Variants in C3orf20 observed in about 807,000 individuals in gnomAD.
C3orf20 encodes the protein uncharacterized protein C3orf20.
A neutral mutation model predicts 88.3 loss-of-function variants in C3orf20; 76 were observed. That is an observed-to-expected ratio of 0.86 (90% CI 0.72 to 1.04). C3orf20 has a LOEUF of 1.04. C3orf20 is among the 50% of genes least tolerant of loss of function. C3orf20 has a pLI of 0.00. For synonymous variants in C3orf20, 436 were observed against 437.4 expected, an observed-to-expected ratio of 1.00 and a Z score of 0.04; for missense variants, 1,056 against 1,123.3, an observed-to-expected ratio of 0.94 and a Z score of 0.86.
At chr3:14,712,519 C>T (rs952173176) in intron 7 of C3orf20, among the ~76,000 whole-genome samples, 2 of 152,116 alleles carry the variant, frequency 1.3e-5, no homozygotes, top group African/African-American at 4.8e-5. Flanking sequence ...ATAACTTAGT[C>T]ACAATAATAT....
chr3:14,678,419 A>G (rs1260070092), intron 1 of C3orf20, among the ~76,000 whole-genome samples: 1 of 152,136 alleles, frequency 6.6e-6, no homozygotes, highest in Non-Finnish European at 1.5e-5. Context: ...CTGGGTTTCC[A>G]TTCCGCCTTG....
At chr3:14,694,499 T>C (rs113479488) in intron 5 of C3orf20, among the ~76,000 whole-genome samples, 22,589 of 152,196 alleles carry the variant, frequency 0.15, 2,033 homozygotes, top group Non-Finnish European at 0.2. Flanking sequence ...TAGGGACTAA[T>C]GATCCTTTGA....
At chr3:14,753,066 T>C (rs552407114) in intron 12 of C3orf20, among the ~76,000 whole-genome samples, 2 of 152,260 alleles carry the variant, frequency 1.3e-5, no homozygotes, top group East Asian at 3.9e-4. Flanking sequence ...CTATTCACAA[T>C]AGCAAAGGCT....
At chr3:14,700,471 G>C in intron 5 of C3orf20, among the ~76,000 whole-genome samples, 1 of 152,114 alleles carries the variant, frequency 6.6e-6, no homozygotes, top group East Asian at 1.9e-4. Flanking sequence ...GCATATACAG[G>C]TTTGGTACTA....
intron 6 of C3orf20, among the ~76,000 whole-genome samples, chr3:14,703,714 T>G (rs1357817396): frequency 2.0e-5 from 3 of 152,056 alleles, no homozygotes; most frequent in African/African-American, 7.3e-5. Context: ...TGTTTGTTTC[T>G]TAACTTAATT....
At chr3:14,715,785 C>G (rs1232285491) in intron 9 of C3orf20, among the ~76,000 whole-genome samples, 4 of 152,112 alleles carry the variant, frequency 2.6e-5, no homozygotes, top group East Asian at 3.9e-4. Context: ...TAAAAATTAG[C>G]AATTCTATAT....
chr3:14,736,094 T>C (rs2034700205), intron 12 of C3orf20, among the ~76,000 whole-genome samples: 1 of 152,232 alleles, frequency 6.6e-6, no homozygotes, highest in Non-Finnish European at 1.5e-5. Flanking sequence ...CAAAATATTC[T>C]CTTGTGATAT....
intron 6 of C3orf20, among the ~76,000 whole-genome samples, chr3:14,703,748 C>T (rs1055879874): frequency 2.0e-5 from 3 of 152,194 alleles, no homozygotes; most frequent in African/African-American, 7.2e-5. Context: ...ACCAGACAGA[C>T]AAAAACCTCT....
At chr3:14,744,108 T>G (rs2034992561) in intron 12 of C3orf20, among the ~76,000 whole-genome samples, 1 of 151,928 alleles carries the variant, frequency 6.6e-6, no homozygotes, top group Admixed American at 6.6e-5. Context: ...AGGCTGAAAA[T>G]TTTCCAAACT....
chr3:14,715,815 T>C (rs2033919325), intron 9 of C3orf20, among the ~76,000 whole-genome samples: 5 of 152,226 alleles, frequency 3.3e-5, no homozygotes. Context: ...CCGTTTTTGT[T>C]TTTATAACTT....
intron 15 of C3orf20, among the ~76,000 whole-genome samples, chr3:14,770,672 C>T (rs924178222): frequency 2.0e-5 from 3 of 152,178 alleles, no homozygotes; most frequent in African/African-American, 7.2e-5. Context: ...TGACCCCCAC[C>T]AGGTTGTAAA....
chr3:14,760,273 C>G (rs947623141), intron 14 of C3orf20, among the ~76,000 whole-genome samples: 2 of 152,230 alleles, frequency 1.3e-5, no homozygotes, highest in African/African-American at 2.4e-5. Flanking sequence ...ATCAAATTCC[C>G]TTCATCTGTT....
intron 7 of C3orf20, among the ~76,000 whole-genome samples, chr3:14,708,753 C>T (rs1235465256): frequency 6.6e-6 from 1 of 152,100 alleles, no homozygotes; most frequent in South Asian, 2.1e-4. Context: ...AAGCAATTCT[C>T]CTGCCTCAGC....
intron 4 of C3orf20, among the ~76,000 whole-genome samples, chr3:14,686,963 A>G (rs2032462498): frequency 6.6e-6 from 1 of 152,126 alleles, no homozygotes; most frequent in Non-Finnish European, 1.5e-5. Flanking sequence ...GATCTTGGGG[A>G]AAAAATGTAA....
In C3orf20 at chr3:14,728,302, G is replaced by C. The variant is rs1414933934; in HGVS notation, c.1691-137G>C. 7.3e-6 allele frequency: 7 copies of C among 960,210 alleles called. No homozygotes were observed. The South Asian group carries it at 9.6e-5, about 13-fold the overall frequency. 59.5% of individuals were successfully genotyped at this position (960,210 alleles called of 1,614,324 possible). A position where few individuals can be genotyped will look rare whatever the true frequency, so the allele number is the denominator to read the frequency against. On this transcript the variant is annotated intron_variant, in intron 11 of 16. Coordinates refer to ENST00000253697, the MANE Select transcript of C3orf20 (RefSeq NM_032137.5). ...TACTGTATTGGACAGCAGAGGGGAG[G>C]TGCCGGAGAATCAATGAGAGCGGAG...
intron 5 of C3orf20, among the ~76,000 whole-genome samples, chr3:14,702,829 C>G (rs1240644593): frequency 6.6e-6 from 1 of 152,144 alleles, no homozygotes; most frequent in Non-Finnish European, 1.5e-5. Flanking sequence ...AGTCCAAAGT[C>G]TCATCTGAGA....
chr3:14,678,439 C>T (rs7633080), intron 1 of C3orf20, among the ~76,000 whole-genome samples: 74,956 of 152,048 alleles, frequency 0.49, 19,836 homozygotes, highest in South Asian at 0.69. Context: ...GCAGAGAGCA[C>T]TCTGACTTAC....
intron 10 of C3orf20, among the ~76,000 whole-genome samples, chr3:14,723,054 C>A (rs1365536802): frequency 6.6e-6 from 1 of 152,218 alleles, no homozygotes; most frequent in Non-Finnish European, 1.5e-5. Context: ...CCCAGTTTGC[C>A]CAGAGCCAGT....
chr3:14,756,332 C>A (rs1273863443), intron 12 of C3orf20, among the ~76,000 whole-genome samples: 1 of 151,850 alleles, frequency 6.6e-6, no homozygotes, highest in Non-Finnish European at 1.5e-5. Context: ...AGGGGCCCAA[C>A]AAATATTGGT....
Sources: allele counts gnomAD v4.1 joint callset (sites outside exome capture counted in the v4.1 genomes callset), GRCh38; gene constraint gnomAD v4.1.1; transcripts MANE v1.5; gene names NCBI Gene and HGNC (gene_info 2026-07-23, HGNC 2026-07-21).